Variants in PDGFRL observed in about 807,000 individuals in gnomAD.
PDGFRL encodes the protein platelet derived growth factor receptor like, also known as platelet-derived growth factor receptor-like protein.
PDGFRL carries 46 observed loss-of-function variants against 37.2 expected under a neutral mutation model. That is an observed-to-expected ratio of 1.24 (90% confidence interval 0.98 to 1.58). The LOEUF (loss-of-function observed/expected upper bound fraction) is 1.58. Among genes scored for constraint, PDGFRL ranks in the 40% most tolerant of loss-of-function variants. The pLI is 0.00. For synonymous variants in PDGFRL, 251 were observed against 184.3 expected (o/e 1.36, Z -2.93); for missense variants, 692 against 467.6 (o/e 1.48, Z -4.43).
intron 2 of PDGFRL, among the ~76,000 whole-genome samples, chr8:17,604,570 T>C (rs147229334): frequency 0.99 from 150,411 of 151,746 alleles, 74,557 homozygotes; most frequent in Middle Eastern, 1. Flanking sequence ...GAACTTCACA[T>C]ACCGGGGACT....
At chr8:17,603,620 C>T (rs1456352072) in intron 2 of PDGFRL, among the ~76,000 whole-genome samples, 1 of 152,168 alleles carries the variant, frequency 6.6e-6, no homozygotes, top group Non-Finnish European at 1.5e-5. Context: ...CTGCCCTGTT[C>T]CTTTCTTCCC....
intron 2 of PDGFRL, among the ~76,000 whole-genome samples, chr8:17,610,062 A>G (rs1040952018): frequency 3.8e-4 from 58 of 152,222 alleles, no homozygotes; most frequent in Non-Finnish European, 5.1e-4. Context: ...CACTATTCTG[A>G]CTTGGCCATA....
chr8:17,629,789 C>G (rs1022516229), intron 4 of PDGFRL, among the ~76,000 whole-genome samples: 1 of 152,116 alleles, frequency 6.6e-6, no homozygotes, highest in Non-Finnish European at 1.5e-5. Flanking sequence ...CAGCAACCAC[C>G]GGGGCTGACC....
intron 3 of PDGFRL, among the ~76,000 whole-genome samples, chr8:17,627,989 C>CTTTTTTTTTTTTT (rs35707610): frequency 3.4e-5 from 3 of 89,248 alleles, no homozygotes; most frequent in East Asian, 3.1e-4. Context: ...TTCTTTCTTT[C>CTTTTTTTTTTTTT]TTTTTTTTTT....
chr8:17,609,849 C>T (rs1804369949), intron 2 of PDGFRL, among the ~76,000 whole-genome samples: 3 of 151,998 alleles, frequency 2.0e-5, no homozygotes, highest in African/African-American at 4.8e-5. Flanking sequence ...AAGCCATATT[C>T]CCAAGATCTC....
intron 2 of PDGFRL, among the ~76,000 whole-genome samples, chr8:17,594,500 T>A (rs1348378441): frequency 6.6e-6 from 1 of 152,026 alleles, no homozygotes; most frequent in Non-Finnish European, 1.5e-5. Flanking sequence ...CTCAGCCTCC[T>A]GTAAGTGCTG....
intron 2 of PDGFRL, 149 bp downstream of exon 2, chr8:17,589,914 A>C (rs560872654): frequency 4.0e-4 from 246 of 607,852 alleles, no homozygotes; most frequent in Non-Finnish European, 6.3e-4. Context: ...CAAAAGTCAC[A>C]GATTTTATTT....
At chr8:17,616,251 G>A (rs899384499) in intron 2 of PDGFRL, among the ~76,000 whole-genome samples, 1 of 151,876 alleles carries the variant, frequency 6.6e-6, no homozygotes, top group African/African-American at 2.4e-5. Context: ...CCGGAGTGCA[G>A]TGCCGCAATC....
At chr8:17,631,467 C>T (rs188749377) in intron 4 of PDGFRL, among the ~76,000 whole-genome samples, 1 of 152,244 alleles carries the variant, frequency 6.6e-6, no homozygotes, top group African/African-American at 2.4e-5. Context: ...GCTTATTCAG[C>T]AGGCCATGCC....
chr8:17,608,471 A>G (rs955523798), intron 2 of PDGFRL, among the ~76,000 whole-genome samples: 8 of 152,174 alleles, frequency 5.3e-5, no homozygotes, highest in African/African-American at 1.9e-4. Flanking sequence ...CATTGGCACA[A>G]TATATCACAT....
chr8:17,616,007 A>G (rs1415936200), intron 2 of PDGFRL, among the ~76,000 whole-genome samples: 1 of 152,186 alleles, frequency 6.6e-6, no homozygotes, highest in Non-Finnish European at 1.5e-5. Flanking sequence ...CCTGCACTCA[A>G]CAAGCATTAG....
intron 2 of PDGFRL, among the ~76,000 whole-genome samples, chr8:17,612,582 G>A (rs1185972685): frequency 6.6e-6 from 1 of 152,128 alleles, no homozygotes; most frequent in African/African-American, 2.4e-5. Flanking sequence ...TATTGGCCAG[G>A]CTGGTCTCAA....
intron 3 of PDGFRL, among the ~76,000 whole-genome samples, chr8:17,626,637 G>A (rs1016136012): frequency 2.0e-5 from 3 of 152,222 alleles, no homozygotes; most frequent in South Asian, 2.1e-4. Flanking sequence ...CATGTAATAC[G>A]TATTGGGGTA....
chr8:17,629,753 G>A (rs1804823776), intron 4 of PDGFRL, among the ~76,000 whole-genome samples: 1 of 152,092 alleles, frequency 6.6e-6, no homozygotes. Context: ...ATCACAATGT[G>A]AACATGTCAA....
chr8:17,583,270 G>T (rs945323699), intron 1 of PDGFRL, among the ~76,000 whole-genome samples: 1 of 152,100 alleles, frequency 6.6e-6, no homozygotes, highest in African/African-American at 2.4e-5. Flanking sequence ...GCTCATGTGG[G>T]GATCCCAGAA....
chr8:17,589,795 G>T, intron 2 of PDGFRL, 30 bp downstream of exon 2: 4 of 1,387,540 alleles, frequency 2.9e-6, no homozygotes, highest in Non-Finnish European at 4.0e-6. Flanking sequence ...ACTGTGTAGG[G>T]TTGAGGATTT....
chr8:17,640,061 A>T (rs930461239), intron 5 of PDGFRL, among the ~76,000 whole-genome samples: 1 of 152,174 alleles, frequency 6.6e-6, no homozygotes. Flanking sequence ...CTGGTTGTTC[A>T]GTTCTATTGC....
chr8:17,587,680 T>C (rs965006300), intron 1 of PDGFRL, among the ~76,000 whole-genome samples: 1 of 151,978 alleles, frequency 6.6e-6, no homozygotes, highest in African/African-American at 2.4e-5. Context: ...GGCATTGGAG[T>C]GCAGTGGTGT....
intron 2 of PDGFRL, among the ~76,000 whole-genome samples, chr8:17,607,588 A>T (rs1208842556): frequency 2.0e-5 from 3 of 152,214 alleles, no homozygotes; most frequent in Admixed American, 1.3e-4. Context: ...ACTATGTTAG[A>T]TGATAATTTT....
Sources: gnomAD v4.1 joint callset for allele counts (sites outside exome capture counted in the v4.1 genomes callset) on GRCh38, gnomAD v4.1.1 for gene constraint, MANE v1.5 for transcripts, NCBI Gene and HGNC (gene_info 2026-07-23, HGNC 2026-07-21) for gene names.